SNTG1: variants seen among roughly 807,000 people sequenced by gnomAD.
The protein encoded by SNTG1 is gamma-1-syntrophin.
In SNTG1, 39 loss-of-function variants were observed where a neutral mutation model predicts 74.7. The observed-to-expected ratio is 0.52, with a 90% CI of 0.40 to 0.68. The LOEUF (loss-of-function observed/expected upper bound fraction) is 0.68. Among genes scored for constraint, SNTG1 ranks in the 30% least tolerant of loss-of-function variants. The probability of loss-of-function intolerance (pLI) is 0.00; values close to 1 mark genes in which losing one functional copy is unlikely to be tolerated. For missense variants in SNTG1, 685 were observed against 609.5 expected (o/e 1.12, Z -1.30); for synonymous variants, 254 against 217.1 (o/e 1.17, Z -1.49).
intron 18 of SNTG1, among the ~76,000 whole-genome samples, chr8:50,767,267 G>T (rs1177217612): frequency 6.6e-6 from 1 of 151,950 alleles, no homozygotes; most frequent in Non-Finnish European, 1.5e-5. Context: ...GCCACCATAT[G>T]TATTACAACA....
chr8:50,314,114 C>A (rs1377922708), intron 2 of SNTG1, among the ~76,000 whole-genome samples: 1 of 149,708 alleles, frequency 6.7e-6, no homozygotes, highest in Non-Finnish European at 1.5e-5. Flanking sequence ...CTCATCCAGT[C>A]ATCCCCTCTA....
intron 2 of SNTG1, among the ~76,000 whole-genome samples, chr8:50,172,929 C>A (rs1054679331): frequency 1.3e-5 from 2 of 150,220 alleles, no homozygotes; most frequent in Admixed American, 6.6e-5. Context: ...CTTTAATAAG[C>A]ACTATTTATA....
At chr8:50,619,732 A>G (rs1312313990) in intron 13 of SNTG1, among the ~76,000 whole-genome samples, 41 of 106,536 alleles carry the variant, frequency 3.8e-4, no homozygotes, top group Middle Eastern at 4.4e-3. Context: ...CTCCGTCTCG[A>G]AAAAAAAAAA....
chr8:49,962,570 G>A (rs921623959), intron 1 of SNTG1, among the ~76,000 whole-genome samples: 1 of 151,924 alleles, frequency 6.6e-6, no homozygotes, highest in Non-Finnish European at 1.5e-5. Context: ...GATAGAGACA[G>A]TAGATGCATC....
chr8:50,764,660 G>A (rs1585737401), intron 18 of SNTG1, among the ~76,000 whole-genome samples: 1 of 151,940 alleles, frequency 6.6e-6, no homozygotes, highest in South Asian at 2.1e-4. Flanking sequence ...GGGAACCCCT[G>A]TATGCTGTTG....
chr8:50,515,417 T>TG (rs2094124257), intron 9 of SNTG1, among the ~76,000 whole-genome samples: 1 of 45,780 alleles, frequency 2.2e-5, no homozygotes, highest in African/African-American at 2.1e-4. Context: ...TTTTTTTTTG[T>TG]TACTCCAGTG....
intron 3 of SNTG1, among the ~76,000 whole-genome samples, chr8:50,397,580 C>T (rs1017351761): frequency 2.6e-5 from 4 of 152,154 alleles, no homozygotes; most frequent in Admixed American, 2.0e-4. Context: ...GTCTCTTACT[C>T]GTTTTTTCTC....
At chr8:50,585,616 TA>T (rs1310132555) in intron 12 of SNTG1, among the ~76,000 whole-genome samples, 1 of 152,146 alleles carries the variant, frequency 6.6e-6, no homozygotes, top group Non-Finnish European at 1.5e-5. Flanking sequence ...TATTTGGAAA[TA>T]GTATTACTAC....
At chr8:50,105,175 A>C (rs1465296473) in intron 1 of SNTG1, among the ~76,000 whole-genome samples, 1 of 152,084 alleles carries the variant, frequency 6.6e-6, no homozygotes, top group East Asian at 1.9e-4. Flanking sequence ...TTTACATTGA[A>C]GTCTTTAGTC....
intron 2 of SNTG1, among the ~76,000 whole-genome samples, chr8:50,240,594 T>A (rs1020241550): frequency 1.3e-5 from 2 of 152,160 alleles, no homozygotes; most frequent in Admixed American, 6.6e-5. Context: ...TCCTCTACGA[T>A]TAGCAGGAGA....
chr8:50,012,583 A>T (rs1280316061), intron 1 of SNTG1, among the ~76,000 whole-genome samples: 1 of 152,126 alleles, frequency 6.6e-6, no homozygotes, highest in Non-Finnish European at 1.5e-5. Flanking sequence ...TTTATTATTC[A>T]GATGTAGTGA....
chr8:50,732,739 T>C (rs2095515947), intron 17 of SNTG1, among the ~76,000 whole-genome samples: 1 of 151,928 alleles, frequency 6.6e-6, no homozygotes, highest in African/African-American at 2.4e-5. Context: ...CCACATAACC[T>C]TACTAGCTTT....
chr8:50,325,419 T>C (rs140328640), intron 2 of SNTG1, among the ~76,000 whole-genome samples: 52 of 152,190 alleles, frequency 3.4e-4, no homozygotes, highest in Non-Finnish European at 6.3e-4. Flanking sequence ...TTTTCTAATA[T>C]AGATCTTGAA....
intron 16 of SNTG1, among the ~76,000 whole-genome samples, chr8:50,705,834 T>A (rs1055682527): frequency 6.6e-6 from 1 of 152,198 alleles, no homozygotes; most frequent in Admixed American, 6.5e-5. Context: ...CCAAAGTTGG[T>A]CCTGTGGCTG....
chr8:50,368,946 G>C (rs561143225), intron 2 of SNTG1, among the ~76,000 whole-genome samples: 1 of 152,108 alleles, frequency 6.6e-6, no homozygotes, highest in Non-Finnish European at 1.5e-5. Flanking sequence ...CAGGCTCAGC[G>C]CTGGAGGGGA....
chr8:50,322,063 G>T lies in SNTG1; in HGVS notation c.-27-72149G>T, dbSNP rs367648099. Reference sequence around the variant, plus strand: ...TTTCAGATTCAGATGATTTTTTATTGCTTATTAACATCTTTTTTTTCAGAT... The same window carrying T: ...TTTCAGATTCAGATGATTTTTTATTTCTTATTAACATCTTTTTTTTCAGAT... On this transcript the variant is annotated intron_variant, in intron 2 of 18. Coordinates refer to ENST00000642720, the MANE Select transcript of SNTG1 (RefSeq NM_018967.5). 2.0e-5 allele frequency among the ~76,000 whole-genome samples: 3 copies of T among 151,632 alleles called. No individual in the cohort carries two copies. The East Asian group carries it at 5.8e-4, about 30-fold the overall frequency.
chr8:50,583,748 T>A (rs573894638), intron 12 of SNTG1, among the ~76,000 whole-genome samples: 1 of 151,650 alleles, frequency 6.6e-6, no homozygotes, highest in Admixed American at 6.6e-5. Context: ...GTCAGGTAAG[T>A]TTCTTCAGAT....
intron 1 of SNTG1, among the ~76,000 whole-genome samples, chr8:50,153,497 G>A (rs1201623071): frequency 6.6e-6 from 1 of 152,108 alleles, no homozygotes; most frequent in East Asian, 1.9e-4. Context: ...AGAATTTTCA[G>A]CTTTTCTGCT....
At chr8:50,604,796 C>A (rs193301685) in intron 13 of SNTG1, among the ~76,000 whole-genome samples, 1 of 151,854 alleles carries the variant, frequency 6.6e-6, no homozygotes, top group African/African-American at 2.4e-5. Context: ...TTTTTCCTCG[C>A]TTTTCTCAAG....
Sources: allele counts gnomAD v4.1 joint callset (sites outside exome capture counted in the v4.1 genomes callset), GRCh38; gene constraint gnomAD v4.1.1; transcripts MANE v1.5; gene names NCBI Gene and HGNC (gene_info 2026-07-23, HGNC 2026-07-21).